Variants in STOX2 observed in about 807,000 individuals in gnomAD.
STOX2 encodes storkhead box 2.
Under a neutral mutation model 60.9 loss-of-function variants are expected in STOX2, and 28 were observed. The ratio of observed to expected loss-of-function variants is 0.46; its 90% confidence interval spans 0.34 to 0.63. The LOEUF (loss-of-function observed/expected upper bound fraction) is 0.63, where lower values mean the gene tolerates loss of function less well. Ranked by LOEUF, STOX2 falls within the 30% of genes least tolerant of loss-of-function variation. The pLI, the probability that STOX2 is intolerant of heterozygous loss-of-function variation, is 0.01. For missense variants in STOX2, 1,024 were observed against 1,187.7 expected, an observed-to-expected ratio of 0.86 and a Z score of 2.03; for synonymous variants, 472 against 463.9, an observed-to-expected ratio of 1.02 and a Z score of -0.22.
At chr4:183,827,070 C>T (rs1360096167) in intron 1 of STOX2, among the ~76,000 whole-genome samples, 1 of 152,136 alleles carries the variant, frequency 6.6e-6, no homozygotes, top group Non-Finnish European at 1.5e-5. Flanking sequence ...GGTTAGGTGC[C>T]CAGGGTCACC....
At chr4:183,816,958 T>C (rs78880642) in intron 1 of STOX2, among the ~76,000 whole-genome samples, 3,992 of 152,316 alleles carry the variant, frequency 0.026, 174 homozygotes, top group African/African-American at 0.091. Context: ...GCTGAATTGA[T>C]GACTTCGCTG....
At chr4:183,951,838 G>T (rs1227699513) in intron 1 of STOX2, among the ~76,000 whole-genome samples, 1 of 152,132 alleles carries the variant, frequency 6.6e-6, no homozygotes, top group Non-Finnish European at 1.5e-5. Context: ...AGCTACTCAG[G>T]AGGCTGAGGC....
intron 1 of STOX2, among the ~76,000 whole-genome samples, chr4:183,946,008 A>G (rs1173230508): frequency 4.6e-5 from 7 of 152,230 alleles, no homozygotes; most frequent in Non-Finnish European, 7.3e-5. Context: ...GGAACAATTT[A>G]ACATATTTTC....
chr4:183,893,762 T>TAA (rs550235485), intron 1 of STOX2, among the ~76,000 whole-genome samples: 181 of 152,104 alleles, frequency 1.2e-3, no homozygotes, highest in African/African-American at 4.1e-3. Flanking sequence ...AACTGTAACT[T>TAA]AAAAAAAAAC....
rs1159125955 is a variant in STOX2, at chr4:184,011,438, C to T, written c.2585+15C>T. On this transcript the variant is annotated intron_variant, in intron 3 of 3. Transcript: ENST00000308497. This position sits in a 1 kb window ranked among gnomAD's most constrained non-coding sequence, Gnocchi z 4.4. ...AACTCCCCACGGTAGGGAGAGGTGT[C>T]TCTGTGCACACACATGCGCCTAGCG... The T allele has an allele frequency of 1.9e-6, 3 of 1,604,642 alleles. No homozygotes were observed. Among genetic ancestry groups the T allele is most frequent in the Non-Finnish European group, 2.6e-6 (3 of 1,175,294 alleles).
At chr4:183,939,758 T>C (rs1013739840) in intron 1 of STOX2, among the ~76,000 whole-genome samples, 5 of 152,162 alleles carry the variant, frequency 3.3e-5, no homozygotes, top group African/African-American at 9.7e-5. Flanking sequence ...CTCTGGGAGC[T>C]GGGATGTGCT....
chr4:183,948,244 A>AAG (rs1241588563), intron 1 of STOX2, among the ~76,000 whole-genome samples: 1 of 146,460 alleles, frequency 6.8e-6, no homozygotes, highest in Non-Finnish European at 1.5e-5. Flanking sequence ...AAAAAAAAAA[A>AAG]CACGAAAAAG....
At chr4:183,904,984 C>G (rs191040845), upstream of STOX2, among the ~76,000 whole-genome samples, 2 of 152,202 alleles carry the variant, frequency 1.3e-5, no homozygotes, top group South Asian at 4.1e-4. Flanking sequence ...TGATTTTGAA[C>G]GTTGCATTGT....
chr4:183,864,143 G>A (rs1465728293), intron 1 of STOX2, among the ~76,000 whole-genome samples: 1 of 152,052 alleles, frequency 6.6e-6, no homozygotes, highest in Non-Finnish European at 1.5e-5. Context: ...GAAATATGAG[G>A]AAATACAGAG....
At chr4:183,946,433 A>C (rs573825139) in intron 1 of STOX2, among the ~76,000 whole-genome samples, 5 of 152,114 alleles carry the variant, frequency 3.3e-5, no homozygotes, top group African/African-American at 1.2e-4. Context: ...CTATGACCCC[A>C]TGGATACCAA....
chr4:184,010,284 G>A lies in STOX2; in HGVS notation c.1446G>A (p.Glu482=). ...CACAGGACCGGAGGTCCAGGAATGAGAGATCCAACAAAGCCAAGGAGAGAT... is the reference window on the plus strand; with the variant it reads ...CACAGGACCGGAGGTCCAGGAATGAAAGATCCAACAAAGCCAAGGAGAGAT... ...SHTQDRRSRN[E]RSNKAKERSR... is the part of the protein sequence containing the mutation. The change falls in exon 3 of 4, where the codon GAG becomes GAA. Residue 482 remains glutamate, a synonymous_variant. Coordinates refer to ENST00000308497, the MANE Select transcript of STOX2 (RefSeq NM_020225.3). The surrounding 1 kb of genome is among the most constrained non-coding windows in gnomAD (Gnocchi z 4.5). 1 of 1,588,962 alleles carries A rather than the reference G, an allele frequency of 6.3e-7. No homozygotes were observed. Among genetic ancestry groups the A allele is most frequent in the Non-Finnish European group, 8.6e-7 (1 of 1,167,664 alleles).
At chr4:183,871,558 G>A (rs1740693321) in intron 1 of STOX2, among the ~76,000 whole-genome samples, 1 of 152,122 alleles carries the variant, frequency 6.6e-6, no homozygotes, top group South Asian at 2.1e-4. Flanking sequence ...GCCATTAGGA[G>A]CCCTCAGCAG....
intron 1 of STOX2, among the ~76,000 whole-genome samples, chr4:183,959,587 T>A (rs950780768): frequency 1.4e-4 from 21 of 152,256 alleles, no homozygotes; most frequent in African/African-American, 5.1e-4. Flanking sequence ...ATTGGCAGTT[T>A]TCACAAGATC....
chr4:183,950,775 G>A (rs565513161), intron 1 of STOX2, among the ~76,000 whole-genome samples: 1 of 152,286 alleles, frequency 6.6e-6, no homozygotes, highest in South Asian at 2.1e-4. Flanking sequence ...AGCCTGCAGG[G>A]GGCTGATTTC....
Position 183,973,959 on chromosome 4 carries a change from G to C in STOX2, c.167-27366G>C, listed in dbSNP as rs574280814. ...CAGTGAGCAGAGATTGTGCCACTGC[G>C]CTCCAGCCTGGTGATAGAGCAAAAC... is the stretch of plus-strand genomic sequence containing the variant. On this transcript the variant is annotated intron_variant, in intron 1 of 3. Transcript: ENST00000308497. Among the ~76,000 whole-genome samples, 3 of 152,272 alleles carry C rather than the reference G, an allele frequency of 2.0e-5. No homozygotes were observed. The South Asian group carries it at 6.2e-4, about 32-fold the overall frequency.
chr4:183,807,025 T>C (rs1738909365), intron 1 of STOX2, among the ~76,000 whole-genome samples: 2 of 151,942 alleles, frequency 1.3e-5, no homozygotes, highest in Non-Finnish European at 2.9e-5. Context: ...CAGGCTGGAG[T>C]GCAGTGGCGC....
Position 183,905,514 on chromosome 4 carries a change from T to C in STOX2, c.-1277T>C, listed in dbSNP as rs1579396149. The C allele has an allele frequency of 6.6e-6, 1 of 152,224 alleles. No individual in the cohort carries two copies. Among genetic ancestry groups the C allele is most frequent in the African/African-American group, 2.4e-5 (1 of 41,440 alleles). The allele number at this position is 152,224 out of a possible 1,614,324, so 9.4% of individuals were successfully genotyped here. A position where few individuals can be genotyped will look rare whatever the true frequency, so the allele number is the denominator to read the frequency against. The stretch of plus-strand genomic sequence containing the variant: ...CCGTGGCCTCCCCTCCCTCTGGCTT[T>C]AGCTTCCTTTGGGGTTGGCGCAGGT... On this transcript the variant is annotated 5_prime_UTR_variant, in exon 1 of 4. Coordinates refer to ENST00000308497, the MANE Select transcript of STOX2 (RefSeq NM_020225.3).
chr4:183,868,532 C>T (rs1293194074), intron 1 of STOX2, among the ~76,000 whole-genome samples: 2 of 152,196 alleles, frequency 1.3e-5, no homozygotes, highest in East Asian at 3.8e-4. Flanking sequence ...GCAGAACCTG[C>T]CCCAAAGACG....
chr4:183,823,624 G>A (rs1739354731), intron 1 of STOX2, among the ~76,000 whole-genome samples: 1 of 152,172 alleles, frequency 6.6e-6, no homozygotes, highest in Non-Finnish European at 1.5e-5. Context: ...CCAGATGTCT[G>A]GCCCACAAGA....
Sources: allele counts gnomAD v4.1 joint callset (sites outside exome capture counted in the v4.1 genomes callset), GRCh38; gene constraint gnomAD v4.1.1; non-coding constraint Gnocchi (gnomAD v3.1); transcripts MANE v1.5; gene names NCBI Gene and HGNC (gene_info 2026-07-23, HGNC 2026-07-21).